SNX29: variants seen among roughly 807,000 people sequenced by gnomAD.
The protein encoded by SNX29 is sorting nexin-29.
SNX29 carries 78 observed loss-of-function variants against 102.1 expected under a neutral mutation model. The observed-to-expected ratio is 0.76, with a 90% confidence interval of 0.64 to 0.92. SNX29 has a LOEUF of 0.92. Among genes scored for constraint, SNX29 ranks in the 40% least tolerant of loss-of-function variants. SNX29 has a pLI of 0.00. For missense variants in SNX29, 1,280 were observed against 1,061.7 expected (o/e 1.21, Z -2.86); for synonymous variants, 580 against 414.5 (o/e 1.40, Z -4.85).
chr16:12,531,434 C>T (rs1292444699), intron 20 of SNX29, among the ~76,000 whole-genome samples: 2 of 152,174 alleles, frequency 1.3e-5, no homozygotes, highest in East Asian at 1.9e-4. Flanking sequence ...GCAGGGAGGG[C>T]CTGACCCAGA....
At chr16:12,325,691 G>C (rs2081091933) in intron 15 of SNX29, among the ~76,000 whole-genome samples, 2 of 152,116 alleles carry the variant, frequency 1.3e-5, no homozygotes, top group Non-Finnish European at 2.9e-5. Context: ...AATATACAGA[G>C]AAGTAGATTT....
At chr16:12,423,935 G>A (rs1433372373) in intron 18 of SNX29, among the ~76,000 whole-genome samples, 1 of 152,306 alleles carries the variant, frequency 6.6e-6, no homozygotes, top group Non-Finnish European at 1.5e-5. Context: ...CTGTTGAGGT[G>A]GACAAGGGGC....
rs1006294659 is a variant in SNX29 at position 12,573,779 on chromosome 16, A to G, written c.*5150A>G. ...TAAACGCTCAGTGACCCCAGAGACC[A>G]TTAATTTCCCGGAGTGAAGGGGATG... On this transcript the variant is annotated 3_prime_UTR_variant, in exon 21 of 21. Coordinates refer to ENST00000566228, the MANE Select transcript of SNX29 (RefSeq NM_032167.5). 2 of 222,604 alleles carry G rather than the reference A, an allele frequency of 9.0e-6. No homozygotes were observed. The highest frequency in any genetic ancestry group is 4.5e-5 in the African/African-American group (2 of 44,714). 13.8% of individuals were successfully genotyped at this position (222,604 alleles called of 1,614,324 possible). A position where few individuals can be genotyped will look rare whatever the true frequency, so the allele number is the denominator to read the frequency against.
chr16:12,127,271 T>A (rs866746011), intron 12 of SNX29, among the ~76,000 whole-genome samples: 189 of 150,310 alleles, frequency 1.3e-3, no homozygotes, highest in South Asian at 6.3e-3. Flanking sequence ...AAAAAAAAAA[T>A]AAAATAAAAT....
chr16:12,531,841 G>A (rs1005778653), intron 20 of SNX29, among the ~76,000 whole-genome samples: 1 of 152,210 alleles, frequency 6.6e-6, no homozygotes, highest in Admixed American at 6.5e-5. Flanking sequence ...CCGCCTGTGA[G>A]CTGCCTTCAG....
chr16:12,050,516 T>A (rs76693788), intron 7 of SNX29, among the ~76,000 whole-genome samples: 9 of 152,146 alleles, frequency 5.9e-5, no homozygotes, highest in African/African-American at 2.2e-4. Flanking sequence ...GTGGTTAGAT[T>A]GGAAGATCCA....
At chr16:12,432,046 C>G (rs1470200026) in intron 18 of SNX29, among the ~76,000 whole-genome samples, 1 of 152,188 alleles carries the variant, frequency 6.6e-6, no homozygotes, top group African/African-American at 2.4e-5. Context: ...TAGCACTTTA[C>G]TTTTATTCAG....
intron 19 of SNX29, among the ~76,000 whole-genome samples, chr16:12,487,468 G>T (rs12051333): frequency 0.16 from 24,604 of 152,088 alleles, 2,673 homozygotes; most frequent in African/African-American, 0.3. Context: ...AACTGGGGCT[G>T]AGGGGCAATA....
intron 11 of SNX29, among the ~76,000 whole-genome samples, chr16:12,125,071 C>T (rs115687856): frequency 0.013 from 1,944 of 152,202 alleles, 47 homozygotes; most frequent in African/African-American, 0.044. Context: ...CTCCTCTGCT[C>T]GTGTGTGTCA....
intron 20 of SNX29, among the ~76,000 whole-genome samples, chr16:12,552,709 G>C (rs1390217326): frequency 6.6e-6 from 1 of 152,138 alleles, no homozygotes; most frequent in East Asian, 1.9e-4. Flanking sequence ...TTTAGATTGG[G>C]GGACTGATAG....
intron 4 of SNX29, among the ~76,000 whole-genome samples, chr16:12,031,546 C>A (rs1164117543): frequency 6.6e-6 from 1 of 151,818 alleles, no homozygotes; most frequent in African/African-American, 2.4e-5. Flanking sequence ...GTGGCTCATG[C>A]CTGTAATCCC....
At chr16:12,547,482 G>A (rs968611284) in intron 20 of SNX29, among the ~76,000 whole-genome samples, 2 of 152,134 alleles carry the variant, frequency 1.3e-5, no homozygotes, top group Admixed American at 6.5e-5. Flanking sequence ...TCTCAAAGTA[G>A]AACTACCAGA....
At chr16:12,142,910 G>A (rs1245871030) in intron 13 of SNX29, among the ~76,000 whole-genome samples, 1 of 151,988 alleles carries the variant, frequency 6.6e-6, no homozygotes, top group Non-Finnish European at 1.5e-5. Context: ...TGTTCCGTGT[G>A]AAGCTTAGTC....
chr16:12,480,943 T>A (rs112603040), intron 19 of SNX29, among the ~76,000 whole-genome samples: 1 of 152,156 alleles, frequency 6.6e-6, no homozygotes, highest in African/African-American at 2.4e-5. Flanking sequence ...TGACGCTGTG[T>A]CAACTCACTA....
Position 12,051,894 on chromosome 16 carries a change from A to G in SNX29, c.796A>G (p.Ile266Val), listed in dbSNP as rs922423803. The change falls in exon 8 of 21, where the codon ATA becomes GTA. Residue 266 changes from isoleucine to valine, a missense_variant. Coordinates refer to ENST00000566228, the MANE Select transcript of SNX29 (RefSeq NM_032167.5). ...GAAGAAGAAAAAGAAAGTGACCAAC[A>G]TAATCTCATTTGATGATGAGGAAGA... ...ERKKKKKVTN[I>V]ISFDDEEDEQ... The G allele has an allele frequency of 1.9e-6, 3 of 1,613,592 alleles. No individual in the cohort carries two copies. Among genetic ancestry groups the G allele is most frequent in the Admixed American group, 1.7e-5 (1 of 59,966 alleles).
chr16:12,366,005 G>A (rs1295527349), intron 16 of SNX29, among the ~76,000 whole-genome samples: 5 of 120,174 alleles, frequency 4.2e-5, no homozygotes, highest in Admixed American at 2.1e-4. Context: ...TCGTGCCACT[G>A]CACTCCAGCC....
intron 13 of SNX29, among the ~76,000 whole-genome samples, chr16:12,141,149 T>A (rs1171851346): frequency 1.3e-5 from 2 of 152,038 alleles, no homozygotes; most frequent in Non-Finnish European, 2.9e-5. Context: ...GAGCAGAGAG[T>A]GGGTGAACCG....
chr16:12,308,058 G>T (rs1312576485), intron 15 of SNX29, among the ~76,000 whole-genome samples: 2 of 152,210 alleles, frequency 1.3e-5, no homozygotes, highest in Non-Finnish European at 2.9e-5. Flanking sequence ...CACAGACAGG[G>T]TCTACCTCAG....
chr16:12,510,642 C>T (rs1339659111), intron 19 of SNX29, among the ~76,000 whole-genome samples: 1 of 151,956 alleles, frequency 6.6e-6, no homozygotes, highest in African/African-American at 2.4e-5. Flanking sequence ...CACTGCACTC[C>T]AGCCTGGGCG....
Sources: allele counts gnomAD v4.1 joint callset (sites outside exome capture counted in the v4.1 genomes callset), GRCh38; gene constraint gnomAD v4.1.1; transcripts MANE v1.5; gene names NCBI Gene and HGNC (gene_info 2026-07-23, HGNC 2026-07-21).